Variants in GSDME observed in about 807,000 individuals in gnomAD.
The protein encoded by GSDME is gasdermin E.
A neutral mutation model predicts 47.5 loss-of-function variants in GSDME; 44 were observed. The ratio of observed to expected loss-of-function variants is 0.93; its 90% CI spans 0.73 to 1.19. The LOEUF is 1.19. Ranked by LOEUF, GSDME falls within the 50% of genes most tolerant of loss-of-function variation. The pLI is 0.00. For synonymous variants in GSDME, 258 were observed against 252.8 expected, an observed-to-expected ratio of 1.02 and a Z score of -0.20; for missense variants, 663 against 604.2, an observed-to-expected ratio of 1.10 and a Z score of -1.02.
At chr7:24,709,928 A>G (rs769806245) in intron 6 of GSDME, among the ~76,000 whole-genome samples, 1 of 152,170 alleles carries the variant, frequency 6.6e-6, no homozygotes, top group African/African-American at 2.4e-5. Context: ...TGTGCTTACA[A>G]TGAAAGAAAA....
At chr7:24,775,212 T>C in the GSDME span, among the ~76,000 whole-genome samples, 22 of 152,330 alleles carry the variant, frequency 1.4e-4, no homozygotes, top group African/African-American at 5.3e-4. Context: ...TTCTGAACTC[T>C]ATCGTAAGTC....
the GSDME span, among the ~76,000 whole-genome samples, chr7:24,770,212 A>C: frequency 6.6e-6 from 1 of 152,204 alleles, no homozygotes; most frequent in Non-Finnish European, 1.5e-5. The surrounding 1 kb of genome is among the most constrained non-coding windows in gnomAD (Gnocchi z 4.6). Flanking sequence ...AACCTCCATA[A>C]ACACTCCTAA....
At chr7:24,738,296 C>T (rs1223296122) in intron 3 of GSDME, among the ~76,000 whole-genome samples, 1 of 151,992 alleles carries the variant, frequency 6.6e-6, no homozygotes, top group African/African-American at 2.4e-5. Flanking sequence ...ATAAAATCAA[C>T]ATACAAAAAT....
the GSDME span, among the ~76,000 whole-genome samples, chr7:24,776,235 G>A: frequency 6.8e-6 from 1 of 146,844 alleles, no homozygotes; most frequent in Non-Finnish European, 1.5e-5. Flanking sequence ...TGATATGGAA[G>A]AGCTCCTGGG....
chr7:24,727,733 G>A (rs1470120510), intron 3 of GSDME, among the ~76,000 whole-genome samples: 2 of 152,200 alleles, frequency 1.3e-5, no homozygotes, highest in African/African-American at 4.8e-5. Flanking sequence ...TACAGAGATG[G>A]CAGAGTTTTA....
Position 24,719,087 on chromosome 7 carries a change from T to C in GSDME, c.536A>G (p.Lys179Arg), listed in dbSNP as rs1473447200. 4 of 1,613,508 alleles carry C rather than the reference T, an allele frequency of 2.5e-6. No individual in the cohort carries two copies. The highest frequency in any genetic ancestry group is 3.4e-6 in the Non-Finnish European group (4 of 1,180,026). The part of the protein sequence containing the change: ...VISEHMQVEE[K>R]CGGIVGIQTK... ...CTGGATGCCCACGATGCCACCACAC[T>C]TCTCCTCGACCTGCATGTGCTCAGA... Residue 179 changes from lysine (K) to arginine (R), a missense_variant, in exon 4 of 10, where the codon AAG becomes AGG. Lys to Arg is a conservative substitution (Grantham distance 26). Coordinates refer to ENST00000645220, the MANE Select transcript of GSDME (RefSeq NM_001127453.2).
In GSDME at chr7:24,702,762, A is replaced by G. The variant is rs772955061; in HGVS notation, c.1255T>C (p.Leu419=). The G allele has an allele frequency of 1.9e-6, 3 of 1,613,194 alleles. No individual in the cohort carries two copies. Among genetic ancestry groups the G allele is most frequent in the Non-Finnish European group, 8.5e-7 (1 of 1,179,380 alleles). Residue 419 remains leucine (L), a splice_region_variant and synonymous_variant, in exon 9 of 10, where the codon TTG becomes CTG. Coordinates refer to ENST00000645220, the MANE Select transcript of GSDME (RefSeq NM_001127453.2). ...KLQIIPTLCH[L]LRALSDDGVS... is the part of the protein sequence containing the mutation. ...GTCCCACCTGGGAGGTTGCTTACCAAGTGGCACAGTGTGGGAATGATCTGG... is the reference window on the plus strand; with the variant it reads ...GTCCCACCTGGGAGGTTGCTTACCAGGTGGCACAGTGTGGGAATGATCTGG...
chr7:24,758,227 A>G (rs1791104447), upstream of GSDME: 1 of 152,278 alleles, frequency 6.6e-6, no homozygotes, highest in African/African-American at 2.4e-5. The surrounding 1 kb of genome is among the most constrained non-coding windows in gnomAD (Gnocchi z 4.6). Flanking sequence ...GGGCGTGTGC[A>G]AGAGGGAAAG....
upstream of GSDME, among the ~76,000 whole-genome samples, chr7:24,762,676 G>A (rs1442683038): frequency 6.6e-6 from 1 of 152,100 alleles, no homozygotes; most frequent in Non-Finnish European, 1.5e-5. Flanking sequence ...AGCGGGAAAG[G>A]CAGACAGATA....
Position 24,717,303 on chromosome 7 carries a change from G to T in GSDME, c.648C>A (p.Thr216=). Residue 216 remains threonine (T), a synonymous_variant, in exon 5 of 10, where the codon ACC becomes ACA. Coordinates refer to ENST00000645220, the MANE Select transcript of GSDME (RefSeq NM_001127453.2). ...NVVLEIPAAT[T]IAYGVIELYV... is the part of the protein sequence containing the mutation. ...ATAACTCAATGACACCGTAGGCAATGGTGGTGGCAGCTGGGATCTCCAGCA... is the reference window on the plus strand; with the variant it reads ...ATAACTCAATGACACCGTAGGCAATTGTGGTGGCAGCTGGGATCTCCAGCA... The T allele has an allele frequency of 1.9e-6, 3 of 1,612,080 alleles. No homozygotes were observed. The highest frequency in any genetic ancestry group is 2.5e-6 in the Non-Finnish European group (3 of 1,179,256).
At chr7:24,794,056 C>T in the GSDME span, among the ~76,000 whole-genome samples, 2 of 152,194 alleles carry the variant, frequency 1.3e-5, no homozygotes, top group East Asian at 3.8e-4. Context: ...CGGAGAAGAC[C>T]TTTAATTATC....
At chr7:24,764,514 A>G in the GSDME span, among the ~76,000 whole-genome samples, 1 of 152,228 alleles carries the variant, frequency 6.6e-6, no homozygotes, top group African/African-American at 2.4e-5. The surrounding 1 kb of genome is among the most constrained non-coding windows in gnomAD (Gnocchi z 4.4). Flanking sequence ...GGGACTTCAG[A>G]AATCAAGTCA....
chr7:24,748,161 TATATA>T (rs1456198589), intron 2 of GSDME, among the ~76,000 whole-genome samples: 25 of 112,846 alleles, frequency 2.2e-4, no homozygotes, highest in Admixed American at 1.0e-3. Context: ...TATATATATA[TATATA>T]TATTTTTTTT....
intron 5 of GSDME, among the ~76,000 whole-genome samples, chr7:24,711,096 T>TG (rs1264162711): frequency 6.6e-6 from 1 of 151,944 alleles, no homozygotes; most frequent in Non-Finnish European, 1.5e-5. Flanking sequence ...AAGGAGATGG[T>TG]GAAGTTATGG....
the GSDME span, among the ~76,000 whole-genome samples, chr7:24,766,559 T>C: frequency 1.3e-5 from 2 of 152,104 alleles, no homozygotes; most frequent in Admixed American, 6.5e-5. This position sits in a 1 kb window ranked among gnomAD's most constrained non-coding sequence, Gnocchi z 4.2. Context: ...TGGTGTTTGG[T>C]TTTCTGTTCT....
rs557170995 is a variant in GSDME, at chr7:24,725,025, G to A, written c.405-5807C>T. The stretch of plus-strand genomic sequence containing the variant: ...CCTTTTTCCATGACTGGAAGCTTCT[G>A]GAGGCCTCACCAAGAGCAGATGCTG... On this transcript the variant is annotated intron_variant, in intron 3 of 9. Transcript: ENST00000645220. The surrounding 1 kb of genome is among the most constrained non-coding windows in gnomAD (Gnocchi z 5.1). Among the ~76,000 whole-genome samples, 1 of 152,290 alleles carries A rather than the reference G, an allele frequency of 6.6e-6. No individual in the cohort carries two copies. Among genetic ancestry groups the A allele is most frequent in the East Asian group, 1.9e-4 (1 of 5,188 alleles).
At position 24,745,901 on chromosome 7, in the gene GSDME, C is replaced by T. The variant is rs1406236246; in HGVS notation, c.212-1147G>A. Among the ~76,000 whole-genome samples, 1 of 152,104 alleles carries T rather than the reference C, an allele frequency of 6.6e-6. No individual in the cohort carries two copies. The highest frequency in any genetic ancestry group is 1.5e-5 in the Non-Finnish European group (1 of 68,006). Reference sequence around the variant, plus strand: ...ATTTTAAAAATAGTCTCTATCATCACCATTTGGTAAGGAGACATTAAGAGT... The same window carrying T: ...ATTTTAAAAATAGTCTCTATCATCATCATTTGGTAAGGAGACATTAAGAGT... On this transcript the variant is annotated intron_variant, in intron 2 of 9. Transcript: ENST00000645220. The surrounding 1 kb of genome is among the most constrained non-coding windows in gnomAD (Gnocchi z 4.4).
Position 24,756,806 on chromosome 7 carries a change from A to T in GSDME, c.-20+590T>A, listed in dbSNP as rs764802670. 3.9e-5 allele frequency among the ~76,000 whole-genome samples: 6 copies of T among 152,190 alleles called. No individual in the cohort carries two copies. Among genetic ancestry groups the T allele is most frequent in the Non-Finnish European group, 8.8e-5 (6 of 68,034 alleles). On this transcript the variant is annotated intron_variant, in intron 1 of 9. Coordinates refer to ENST00000645220, the MANE Select transcript of GSDME (RefSeq NM_001127453.2). The surrounding 1 kb of genome is among the most constrained non-coding windows in gnomAD (Gnocchi z 4.2). ...GCCACGCGGGCAGCTCTTGAGAGCCATTCCAGCGCATGCCAGGCACACCGA... is the reference window on the plus strand; with the variant it reads ...GCCACGCGGGCAGCTCTTGAGAGCCTTTCCAGCGCATGCCAGGCACACCGA...
chr7:24,720,955 G>T (rs540186843), intron 3 of GSDME, among the ~76,000 whole-genome samples: 25 of 152,168 alleles, frequency 1.6e-4, no homozygotes, highest in African/African-American at 5.8e-4. Context: ...TGCAACATGG[G>T]TGAACCTTGA....
Sources: allele counts gnomAD v4.1 joint callset (sites outside exome capture counted in the v4.1 genomes callset), GRCh38; gene constraint gnomAD v4.1.1; non-coding constraint Gnocchi (gnomAD v3.1); transcripts MANE v1.5; gene names NCBI Gene and HGNC (gene_info 2026-07-23, HGNC 2026-07-21).